Variants in OR5B2 observed in about 807,000 individuals in gnomAD.
OR5B2 encodes the protein olfactory receptor 5B2.
For synonymous variants in OR5B2, 163 were observed against 140.8 expected (o/e 1.16, Z -1.11); for missense variants, 411 against 367.0 (o/e 1.12, Z -0.98).
In OR5B2 at chr11:58,423,054, C is replaced by T; in HGVS notation, c.208G>A (p.Gly70Arg). ...FLSNLSLVDF[G>R]YSSAVTPKVM... ...TTGGGAGTGACAGCTGAGGAGTATC[C>T]AAAGTCCACCAGAGACAGGTTACTG... The change falls in exon 3 of 3, where the codon GGA (glycine) becomes AGA (arginine). Residue 70 changes from glycine (G) to arginine (R), a missense_variant. Physicochemically the swap from Gly to Arg is moderately radical, Grantham distance 125. Transcript: ENST00000641342. The T allele has an allele frequency of 1.9e-6, 3 of 1,613,636 alleles. No individual in the cohort carries two copies. Among genetic ancestry groups the T allele is most frequent in the Non-Finnish European group, 2.5e-6 (3 of 1,179,754 alleles).
chr11:58,424,249 T>C (rs1855314225), intron 2 of OR5B2, among the ~76,000 whole-genome samples: 1 of 152,208 alleles, frequency 6.6e-6, no homozygotes, highest in African/African-American at 2.4e-5. Context: ...TATAATATTA[T>C]CGTTAGAATG....
Position 58,422,782 on chromosome 11 carries a change from G to A in OR5B2, c.480C>T (p.Gly160=), listed in dbSNP as rs1001617765. Residue 160 remains glycine, a synonymous_variant, in exon 3 of 3, where the codon GGC becomes GGT. Transcript: ENST00000641342. The stretch of plus-strand genomic sequence containing the variant: ...ATTTACAGAAAGAGAGACTGAATAT[G>A]CCCCCAATGTGGAATGAGGCATTTA... ...GFLNASFHIG[G]IFSLSFCKSN... 6.2e-7 allele frequency: 1 copy of A among 1,613,780 alleles called. No homozygotes were observed. Among genetic ancestry groups the A allele is most frequent in the Non-Finnish European group, 8.5e-7 (1 of 1,179,886 alleles).
intron 1 of OR5B2, 92 bp downstream of exon 1, chr11:58,427,927 T>TCATAGTG (rs1374136006): frequency 1.3e-5 from 2 of 152,244 alleles, no homozygotes; most frequent in African/African-American, 2.4e-5. Context: ...TTCCTGATGC[T>TCATAGTG]AACTCATAGT....
rs73485945 is a variant in OR5B2 at position 58,422,941 on chromosome 11, C to T, written c.321G>A (p.Thr107=). The change falls in exon 3 of 3, where the codon ACG becomes ACA. Residue 107 remains threonine, a synonymous_variant. Transcript: ENST00000641342. ...VQMFFFVALA[T]VENYLLASMA... is the part of the protein sequence containing the mutation. Reference sequence around the variant, plus strand: ...TTGAGGCCAACAAGTAATTTTCCACCGTGGCCAAGGCTACAAAGAAGAACA... The same window carrying T: ...TTGAGGCCAACAAGTAATTTTCCACTGTGGCCAAGGCTACAAAGAAGAACA... The T allele has an allele frequency of 3.3e-3, 5,366 of 1,613,800 alleles. 159 individuals are homozygous for T. In the African/African-American group the frequency reaches 0.061, roughly 18 times the overall value.
rs1384585925 is a variant in OR5B2, at chr11:58,423,220, T to C, written c.42A>G (p.Gly14=). The C allele has an allele frequency of 6.2e-7, 1 of 1,609,616 alleles. No individual in the cohort carries two copies. Among genetic ancestry groups the C allele is most frequent in the Admixed American group, 1.7e-5 (1 of 59,508 alleles). The change falls in exon 3 of 3, where the codon GGA becomes GGG. Residue 14 remains glycine, a synonymous_variant. Transcript: ENST00000641342. ...CTEVTKFILL[G]LTSVPELQIP... ...TCTGTAGTTCTGGGACACTGGTTAG[T>C]CCTAGAAGAATGAACTTTGTCACTT...
rs757518423 is a variant in OR5B2 at position 58,422,371 on chromosome 11, A to T, written c.891T>A (p.Asn297Lys). 13 of 1,613,122 alleles carry T rather than the reference A, an allele frequency of 8.1e-6. No individual in the cohort carries two copies. Among genetic ancestry groups the T allele is most frequent in the Non-Finnish European group, 3.4e-6 (4 of 1,179,442 alleles). ...GCCTTCTCAACACTTTCTTGAATGC[A>T]TTCTGGACTTCTCTGTTCCTCAGGC... ...VYSLRNREVQ[N>K]AFKKVLRRQK... Residue 297 changes from asparagine to lysine, a missense_variant, in exon 3 of 3, where the codon AAT becomes AAA. By Grantham distance (94) the Asn-to-Lys change is moderately conservative. Coordinates refer to ENST00000641342, the MANE Select transcript of OR5B2 (RefSeq NM_001005566.3).
chr11:58,423,015 A>G lies in OR5B2; in HGVS notation c.247T>C (p.Phe83Leu), dbSNP rs143337044. The G allele has an allele frequency of 1.8e-4, 287 of 1,613,766 alleles. No homozygotes were observed. The highest frequency in any genetic ancestry group is 6.0e-4 in the Admixed American group (36 of 59,936). ...GAGATGACCTTGTCTCCTCTAAGGAACCCAGCCATGACCTTGGGAGTGACA... is the reference window on the plus strand; with the variant it reads ...GAGATGACCTTGTCTCCTCTAAGGAGCCCAGCCATGACCTTGGGAGTGACA... ...SAVTPKVMAG[F>L]LRGDKVISYN... The change falls in exon 3 of 3, where the codon TTC becomes CTC. Residue 83 changes from phenylalanine to leucine, a missense_variant. By Grantham distance (22) the Phe-to-Leu change is conservative. Coordinates refer to ENST00000641342, the MANE Select transcript of OR5B2 (RefSeq NM_001005566.3).
chr11:58,425,076 A>C (rs934197362), intron 2 of OR5B2, among the ~76,000 whole-genome samples: 3 of 152,100 alleles, frequency 2.0e-5, no homozygotes, highest in African/African-American at 7.2e-5. Context: ...TGCTAGTCAT[A>C]ATAAGGATGA....
In OR5B2 at chr11:58,422,532, T is replaced by C. The variant is rs199846483; in HGVS notation, c.730A>G (p.Thr244Ala). ...GTCCCATAGAAGACGGAGACTGCAG[T>C]GAAGTGAGAGGCACAGGTGGACAAT... ...KALSTCASHF[T>A]AVSVFYGTVI... The change falls in exon 3 of 3, where the codon ACT becomes GCT. Residue 244 changes from threonine to alanine, a missense_variant. Physicochemically the swap from Thr to Ala is moderately conservative, Grantham distance 58 (BLOSUM62 0). Transcript: ENST00000641342. 2 of 1,613,770 alleles carry C rather than the reference T, an allele frequency of 1.2e-6. No homozygotes were observed. Among genetic ancestry groups the C allele is most frequent in the South Asian group, 2.2e-5 (2 of 91,084 alleles).
At chr11:58,427,235 C>T (rs891963478) in intron 1 of OR5B2, among the ~76,000 whole-genome samples, 2 of 152,106 alleles carry the variant, frequency 1.3e-5, no homozygotes, top group Non-Finnish European at 2.9e-5. Context: ...AATTAAACTG[C>T]ATATGAAAGC....
At chr11:58,427,369 A>C (rs1855350187) in intron 1 of OR5B2, among the ~76,000 whole-genome samples, 1 of 152,222 alleles carries the variant, frequency 6.6e-6, no homozygotes, top group African/African-American at 2.4e-5. Flanking sequence ...ATCAGACAGA[A>C]TCATGAGTGG....
intron 1 of OR5B2, among the ~76,000 whole-genome samples, chr11:58,427,510 G>T (rs1043226677): frequency 1.3e-5 from 2 of 152,144 alleles, no homozygotes; most frequent in Non-Finnish European, 1.5e-5. Context: ...TAATAAAACA[G>T]AGATGAGTAT....
In OR5B2 at chr11:58,423,235, C is replaced by G. The variant is rs776271740; in HGVS notation, c.27G>C (p.Lys9Asn). 2 of 1,604,224 alleles carry G rather than the reference C, an allele frequency of 1.2e-6. No homozygotes were observed. ...CACTGGTTAGTCCTAGAAGAATGAACTTTGTCACTTCCGTACAATTCTCCA... is the reference window on the plus strand; with the variant it reads ...CACTGGTTAGTCCTAGAAGAATGAAGTTTGTCACTTCCGTACAATTCTCCA... MENCTEVTKFILLGLTSVP... is the reference protein window; with the variant it reads MENCTEVTNFILLGLTSVP... Residue 9 changes from lysine to asparagine, a missense_variant, in exon 3 of 3, where the codon AAG becomes AAC. By Grantham distance (94) the Lys-to-Asn change is moderately conservative. Transcript: ENST00000641342.
chr11:58,423,775 T>C (rs547215064), intron 2 of OR5B2, among the ~76,000 whole-genome samples: 1 of 152,300 alleles, frequency 6.6e-6, no homozygotes, highest in Middle Eastern at 3.4e-3. Context: ...CAAGTGTTAA[T>C]AGTCAAGCCT....
rs76096338 is a variant in OR5B2, at chr11:58,423,189, G to A, written c.73C>T (p.Leu25Phe). ...TAGATGAAGGTGAACAAGATAAAGA[G>A]GGGGATCTGTAGTTCTGGGACACTG... Reference protein sequence around the residue: ...LTSVPELQIPLFILFTFIYLL... With the variant: ...LTSVPELQIPFFILFTFIYLL... The change falls in exon 3 of 3, where the codon CTC becomes TTC. Residue 25 changes from leucine to phenylalanine, a missense_variant. By Grantham distance (22) the Leu-to-Phe change is conservative. Transcript: ENST00000641342. 6.2e-7 allele frequency: 1 copy of A among 1,613,524 alleles called. No homozygotes were observed. The highest frequency in any genetic ancestry group is 8.5e-7 in the Non-Finnish European group (1 of 1,179,608).
Position 58,422,748 on chromosome 11 carries a change from C to G in OR5B2, c.514G>C (p.Val172Leu), listed in dbSNP as rs760762142. The G allele has an allele frequency of 1.2e-6, 2 of 1,613,674 alleles. No homozygotes were observed. The highest frequency in any genetic ancestry group is 1.7e-6 in the Non-Finnish European group (2 of 1,179,860). The change falls in exon 3 of 3, where the codon GTA becomes CTA. Residue 172 changes from valine (V) to leucine (L), a missense_variant. By Grantham distance (32) the Val-to-Leu change is conservative. Transcript: ENST00000641342. ...GGAACATCACAGAAAAAGTGATGTA[C>G]CAGATTGGATTTACAGAAAGAGAGA... ...FSLSFCKSNL[V>L]HHFFCDVPAV...
Position 58,422,172 on chromosome 11 carries a change from T to C in OR5B2, c.*160A>G, listed in dbSNP as rs1855281320. 7 of 499,766 alleles carry C rather than the reference T, an allele frequency of 1.4e-5. No individual in the cohort carries two copies. The East Asian group carries it at 2.1e-4, about 15-fold the overall frequency. The allele number at this position is 499,766 out of a possible 1,614,324, so 31.0% of individuals were successfully genotyped here. A position where few individuals can be genotyped will look rare whatever the true frequency, so the allele number is the denominator to read the frequency against. ...CATTCAGGTATTACATTTCTGATAA[T>C]ATTTTATTTTTATTAAAAAATTGAC... On this transcript the variant is annotated 3_prime_UTR_variant, in exon 3 of 3. Coordinates refer to ENST00000641342, the MANE Select transcript of OR5B2 (RefSeq NM_001005566.3).
chr11:58,424,561 G>A (rs1361485389), intron 2 of OR5B2, among the ~76,000 whole-genome samples: 3 of 151,946 alleles, frequency 2.0e-5, no homozygotes, highest in African/African-American at 7.2e-5. Flanking sequence ...TCATCTCTTA[G>A]TTGACCCTTA....
intron 2 of OR5B2, among the ~76,000 whole-genome samples, chr11:58,425,313 AC>A (rs1204957393): frequency 6.6e-6 from 1 of 152,006 alleles, no homozygotes. Context: ...TGAACACCCT[AC>A]CAATGGAAGT....
Sources: gnomAD v4.1 joint callset for allele counts (sites outside exome capture counted in the v4.1 genomes callset) on GRCh38, gnomAD v4.1.1 for gene constraint, MANE v1.5 for transcripts, NCBI Gene and HGNC (gene_info 2026-07-23, HGNC 2026-07-21) for gene names.